Variants in NUP210 observed in about 807,000 individuals in gnomAD.
NUP210 encodes the protein nuclear pore membrane glycoprotein 210.
In NUP210, 151 loss-of-function variants were observed where a neutral mutation model predicts 196.0. The observed-to-expected ratio is 0.77, with a 90% CI of 0.67 to 0.88. The LOEUF is 0.88. NUP210 is among the 40% of genes least tolerant of loss of function. The probability of loss-of-function intolerance (pLI) is 0.00; values close to 1 mark genes in which losing one functional copy is unlikely to be tolerated. For missense variants in NUP210, 2,314 were observed against 2,493.7 expected (o/e 0.93, Z 1.53); for synonymous variants, 1,070 against 1,052.7 (o/e 1.02, Z -0.32).
At chr3:13,386,103 G>T (rs796610255) in intron 6 of NUP210, among the ~76,000 whole-genome samples, 172 bp downstream of exon 6, 3 of 152,202 alleles carry the variant, frequency 2.0e-5, no homozygotes, top group African/African-American at 7.2e-5. Context: ...GAAGATGAAC[G>T]AGTTCTGTGG....
Position 13,410,607 on chromosome 3 carries a change from G to C in NUP210, c.167+9453C>G, listed in dbSNP as rs1268819885. ...TTGAGACCAGACTAAGCAACAGTGA[G>C]ACCCCATTTCTAAAAAAAAAAACAA... is the stretch of plus-strand genomic sequence containing the variant. On this transcript the variant is annotated intron_variant, in intron 1 of 39. Coordinates refer to ENST00000254508, the MANE Select transcript of NUP210 (RefSeq NM_024923.4). Among the ~76,000 whole-genome samples the C allele has an allele frequency of 2.0e-5, 3 of 149,954 alleles. No individual in the cohort carries two copies. In the East Asian group the frequency reaches 6.1e-4, roughly 31 times the overall value.
chr3:13,386,155 G>T, intron 6 of NUP210, 120 bp downstream of exon 6: 2 of 1,063,680 alleles, frequency 1.9e-6, no homozygotes, highest in Non-Finnish European at 2.7e-6. Context: ...GAATGTACTT[G>T]ATGCTACCTG....
At chr3:13,332,459 A>G in intron 28 of NUP210, 75 bp from the exon 29 acceptor site, 1 of 1,143,116 alleles carries the variant, frequency 8.7e-7, no homozygotes, top group East Asian at 2.4e-5. Flanking sequence ...CTTCTCTCCT[A>G]GCAGCAAGAG....
Position 13,348,343 on chromosome 3 carries a change from G to C in NUP210, c.2835+3536C>G, listed in dbSNP as rs1023441938. On this transcript the variant is annotated intron_variant, in intron 20 of 39. Coordinates refer to ENST00000254508, the MANE Select transcript of NUP210 (RefSeq NM_024923.4). The surrounding 1 kb of genome is among the most constrained non-coding windows in gnomAD (Gnocchi z 4.0). ...CCATCACCGACCTCTAGGAACTCTT[G>C]TTCTTGGAGTAAAGGTCTCCCTCTG... is the stretch of plus-strand genomic sequence containing the variant. The C allele has an allele frequency of 1.0e-6, 1 of 982,750 alleles. No individual in the cohort carries two copies. Among genetic ancestry groups the C allele is most frequent in the Non-Finnish European group, 1.2e-6 (1 of 827,572 alleles). 60.9% of individuals were successfully genotyped at this position (982,750 alleles called of 1,614,324 possible).
At chr3:13,363,813 T>A (rs1698443769) in intron 14 of NUP210, among the ~76,000 whole-genome samples, 1 of 152,204 alleles carries the variant, frequency 6.6e-6, no homozygotes, top group East Asian at 1.9e-4. Flanking sequence ...GTCTACCTTA[T>A]CTTCATTGTT....
At chr3:13,322,521 T>C (rs1436139677) in intron 34 of NUP210, among the ~76,000 whole-genome samples, 182 bp from the exon 35 acceptor site, 1 of 152,164 alleles carries the variant, frequency 6.6e-6, no homozygotes, top group African/African-American at 2.4e-5. Flanking sequence ...CAAGGACATA[T>C]CATATGGAAG....
intron 36 of NUP210, among the ~76,000 whole-genome samples, chr3:13,321,381 A>T (rs1020080582): frequency 6.6e-6 from 1 of 152,250 alleles, no homozygotes; most frequent in Non-Finnish European, 1.5e-5. Context: ...CAGCGGTCAG[A>T]ACAATTAATA....
At chr3:13,329,997 C>T (rs6783393) in intron 30 of NUP210, among the ~76,000 whole-genome samples, 10,708 of 152,302 alleles carry the variant, frequency 0.07, 801 homozygotes, top group African/African-American at 0.18. Flanking sequence ...GTGGATGTCA[C>T]GTACTGGATG....
intron 26 of NUP210, among the ~76,000 whole-genome samples, chr3:13,337,527 A>G (rs1697264366): frequency 6.6e-6 from 1 of 152,228 alleles, no homozygotes; most frequent in East Asian, 1.9e-4. Context: ...CAGGGCTGCT[A>G]TGAACACCAA....
chr3:13,334,896 A>T (rs1267757283), intron 28 of NUP210, among the ~76,000 whole-genome samples: 7 of 152,132 alleles, frequency 4.6e-5, no homozygotes. Context: ...TGTTTTCCAA[A>T]TGCAGACAGG....
rs545225263 is a variant in NUP210 at position 13,388,423 on chromosome 3, G to A, written c.564C>T (p.Ile188=). ...CCATCTCTGAGATGTAAGAAGGAGG[G>A]ATGTACGTAGACTCCAAGAAAGTGA... ...RILTFLESTY[I]PPSYISEMEK... is the part of the protein sequence containing the mutation. The change falls in exon 5 of 40, where the codon ATC becomes ATT. Residue 188 remains isoleucine (I), a synonymous_variant. Transcript: ENST00000254508. The A allele has an allele frequency of 6.2e-7, 1 of 1,611,708 alleles. No individual in the cohort carries two copies. The highest frequency in any genetic ancestry group is 1.1e-5 in the South Asian group (1 of 90,728).
intron 6 of NUP210, among the ~76,000 whole-genome samples, chr3:13,385,715 A>G (rs1699249155): frequency 6.6e-6 from 1 of 152,348 alleles, no homozygotes. Flanking sequence ...GGACTCAGAT[A>G]TTTGCTCACT....
chr3:13,415,209 A>G (rs1700305990), intron 1 of NUP210, among the ~76,000 whole-genome samples: 1 of 152,220 alleles, frequency 6.6e-6, no homozygotes, highest in Admixed American at 6.5e-5. Context: ...GCCTGGCAAC[A>G]CAGCGAGACT....
chr3:13,345,017 T>C, intron 20 of NUP210: 1 of 985,424 alleles, frequency 1.0e-6, no homozygotes, highest in South Asian at 4.7e-5. Flanking sequence ...ACAGTGCACT[T>C]GGCCTTCCCC....
At position 13,354,162 on chromosome 3, in the gene NUP210, C is replaced by T. The variant is rs1366248084; in HGVS notation, c.2329-55G>A. On this transcript the variant is annotated intron_variant, in intron 16 of 39. Coordinates refer to ENST00000254508, the MANE Select transcript of NUP210 (RefSeq NM_024923.4). ...TCACCCCCAGGACTGGACCTGGACA[C>T]TGACCACGCAGTGCACTCTGAGGCC... 3 of 1,466,098 alleles carry T rather than the reference C, an allele frequency of 2.0e-6. No homozygotes were observed. The East Asian group carries it at 7.4e-5, about 36-fold the overall frequency. The allele number at this position is 1,466,098 out of a possible 1,614,324, so 90.8% of individuals were successfully genotyped here. A position where few individuals can be genotyped will look rare whatever the true frequency, so the allele number is the denominator to read the frequency against.
At position 13,348,878 on chromosome 3, in the gene NUP210, C is replaced by T. The variant is rs1227730071; in HGVS notation, c.2835+3001G>A. 3 of 985,308 alleles carry T rather than the reference C, an allele frequency of 3.0e-6. No individual in the cohort carries two copies. The highest frequency in any genetic ancestry group is 1.1e-4 in the East Asian group (1 of 8,826). 61.0% of individuals were successfully genotyped at this position (985,308 alleles called of 1,614,324 possible). A position where few individuals can be genotyped will look rare whatever the true frequency, so the allele number is the denominator to read the frequency against. On this transcript the variant is annotated intron_variant, in intron 20 of 39. Coordinates refer to ENST00000254508, the MANE Select transcript of NUP210 (RefSeq NM_024923.4). This position sits in a 1 kb window ranked among gnomAD's most constrained non-coding sequence, Gnocchi z 4.0. ...GGAAGGTTTTCGAAAACACCCCAAA[C>T]ACCAAACAAAAAAACTGAATTAAAA... is the stretch of plus-strand genomic sequence containing the variant.
At chr3:13,386,954 T>C (rs376668560) in intron 5 of NUP210, among the ~76,000 whole-genome samples, 22 of 152,236 alleles carry the variant, frequency 1.4e-4, no homozygotes, top group African/African-American at 4.8e-4. Flanking sequence ...CTAGGTGCCC[T>C]GTCTAGTGCA....
At chr3:13,380,510 C>G (rs558361230) in intron 6 of NUP210, among the ~76,000 whole-genome samples, 1 of 152,302 alleles carries the variant, frequency 6.6e-6, no homozygotes, top group African/African-American at 2.4e-5. Flanking sequence ...CTCACCATTG[C>G]GCAGCTAGTG....
At chr3:13,333,300 G>A (rs959991042) in intron 28 of NUP210, among the ~76,000 whole-genome samples, 2 of 152,226 alleles carry the variant, frequency 1.3e-5, no homozygotes, top group Admixed American at 1.3e-4. Flanking sequence ...AGGCCCCTCA[G>A]GGCTGCTGCC....
Sources: gnomAD v4.1 joint callset for allele counts (sites outside exome capture counted in the v4.1 genomes callset) on GRCh38, gnomAD v4.1.1 for gene constraint, Gnocchi (gnomAD v3.1) non-coding constraint, MANE v1.5 for transcripts, NCBI Gene and HGNC (gene_info 2026-07-23, HGNC 2026-07-21) for gene names.